DTD2: variants seen among roughly 807,000 people sequenced by gnomAD.
DTD2 encodes the protein D-aminoacyl-tRNA deacylase 2.
A neutral mutation model predicts 15.5 loss-of-function variants in DTD2; 12 were observed. The ratio of observed to expected loss-of-function variants is 0.77; its 90% CI spans 0.50 to 1.25. The LOEUF is 1.25. DTD2 is among the 50% of genes most tolerant of loss of function. The pLI, the probability that DTD2 is intolerant of heterozygous loss-of-function variation, is 0.00. For missense variants in DTD2, 170 were observed against 201.1 expected, an observed-to-expected ratio of 0.85 and a Z score of 0.93; for synonymous variants, 59 against 77.3, an observed-to-expected ratio of 0.76 and a Z score of 1.24.
rs1259760023 is a variant in DTD2, at chr14:31,447,500, A to T, written c.*629T>A. ...TTTGCATGAATTTCTTCATTGCAAAATACTTAAAATGTACATAATTTTTAA... is the reference window on the plus strand; with the variant it reads ...TTTGCATGAATTTCTTCATTGCAAATTACTTAAAATGTACATAATTTTTAA... On this transcript the variant is annotated 3_prime_UTR_variant, in exon 3 of 3. Coordinates refer to ENST00000310850, the MANE Select transcript of DTD2 (RefSeq NM_080664.3). 1 of 152,088 alleles carries T rather than the reference A, an allele frequency of 6.6e-6. No homozygotes were observed. Among genetic ancestry groups the T allele is most frequent in the Non-Finnish European group, 1.5e-5 (1 of 68,026 alleles). 9.4% of individuals were successfully genotyped at this position (152,088 alleles called of 1,614,324 possible).
intron 1 of DTD2, among the ~76,000 whole-genome samples, chr14:31,456,189 T>C (rs925556310): frequency 1.7e-4 from 26 of 152,012 alleles, no homozygotes; most frequent in Non-Finnish European, 3.7e-4. Context: ...GGTCAGGAGT[T>C]CCAGACAAGC....
chr14:31,446,133 T>C lies in DTD2; in HGVS notation c.*1996A>G, dbSNP rs372922681. On this transcript the variant is annotated 3_prime_UTR_variant, in exon 3 of 3. Coordinates refer to ENST00000310850, the MANE Select transcript of DTD2 (RefSeq NM_080664.3). ...AATGAGCTCATTACCAAGCCAGTTA[T>C]TGATTCTCTGGTTCCAAAATAGAAC... 3 of 152,190 alleles carry C rather than the reference T, an allele frequency of 2.0e-5. No individual in the cohort carries two copies. The highest frequency in any genetic ancestry group is 4.4e-5 in the Non-Finnish European group (3 of 68,022). 9.4% of individuals were successfully genotyped at this position (152,190 alleles called of 1,614,324 possible).
intron 2 of DTD2, 67 bp downstream of exon 2, chr14:31,453,208 G>A (rs1315507674): frequency 2.7e-6 from 4 of 1,505,534 alleles, no homozygotes; most frequent in African/African-American, 1.4e-5. Context: ...CAACGTGTTG[G>A]GATTACAGGT....
intron 2 of DTD2, 81 bp from the exon 3 acceptor site, chr14:31,448,535 T>C: frequency 7.7e-7 from 1 of 1,303,116 alleles, no homozygotes; most frequent in South Asian, 1.5e-5. Flanking sequence ...TCAGCAAATC[T>C]CATGTTTAAA....
At chr14:31,457,097 G>A in intron 1 of DTD2, 186 bp downstream of exon 1, 1 of 589,016 alleles carries the variant, frequency 1.7e-6, no homozygotes, top group Non-Finnish European at 3.0e-6. Flanking sequence ...GGGGAACGGT[G>A]ATGCTGGACC....
chr14:31,454,769 G>C (rs987130556), intron 1 of DTD2, among the ~76,000 whole-genome samples: 2 of 152,016 alleles, frequency 1.3e-5, no homozygotes, highest in South Asian at 4.1e-4. Context: ...TAACTTCTTT[G>C]GTATAAAACA....
chr14:31,448,783 A>G (rs749516958), intron 2 of DTD2, among the ~76,000 whole-genome samples: 25 of 152,266 alleles, frequency 1.6e-4, no homozygotes, highest in Non-Finnish European at 3.4e-4. Context: ...GGAATACATG[A>G]GAAGATTTTA....
chr14:31,453,395 T>G (rs1302690656), intron 1 of DTD2, 51 bp from the exon 2 acceptor site: 1 of 1,522,928 alleles, frequency 6.6e-7, no homozygotes, highest in Non-Finnish European at 9.1e-7. Context: ...TCTGTAAAGA[T>G]ACAGGGCTAA....
rs968388144 is a variant in DTD2 at position 31,446,089 on chromosome 14, T to A, written c.*2040A>T. 1 of 152,226 alleles carries A rather than the reference T, an allele frequency of 6.6e-6. No individual in the cohort carries two copies. The highest frequency in any genetic ancestry group is 1.5e-5 in the Non-Finnish European group (1 of 68,038). The allele number at this position is 152,226 out of a possible 1,614,324, so 9.4% of individuals were successfully genotyped here. ...TTTCAGTAAGTGTATTGTGAATCAATAAAGCAAAAGTTAAGGACAATGAGC... is the reference window on the plus strand; with the variant it reads ...TTTCAGTAAGTGTATTGTGAATCAAAAAAGCAAAAGTTAAGGACAATGAGC... On this transcript the variant is annotated 3_prime_UTR_variant, in exon 3 of 3. Transcript: ENST00000310850.
At chr14:31,454,420 G>A (rs898007014) in intron 1 of DTD2, among the ~76,000 whole-genome samples, 4 of 152,116 alleles carry the variant, frequency 2.6e-5, no homozygotes, top group East Asian at 1.9e-4. Flanking sequence ...GCACTCACAC[G>A]TGATTTACCT....
chr14:31,447,870 A>G lies in DTD2; in HGVS notation c.*259T>C, dbSNP rs1346059170. 3 of 388,410 alleles carry G rather than the reference A, an allele frequency of 7.7e-6. No individual in the cohort carries two copies. In the Admixed American group the frequency reaches 1.3e-4, roughly 17 times the overall value. The allele number at this position is 388,410 out of a possible 1,614,324, so 24.1% of individuals were successfully genotyped here. On this transcript the variant is annotated 3_prime_UTR_variant, in exon 3 of 3. Transcript: ENST00000310850. ...AATTAAGAACATTTCCTTAATGACT[A>G]TGAAGTGAATAGACAGCATATTTCA... is the stretch of plus-strand genomic sequence containing the variant.
chr14:31,447,904 A>G lies in DTD2; in HGVS notation c.*225T>C, dbSNP rs553575727. 1 of 480,398 alleles carries G rather than the reference A, an allele frequency of 2.1e-6. No homozygotes were observed. The highest frequency in any genetic ancestry group is 2.0e-5 in the African/African-American group (1 of 50,218). 29.8% of individuals were successfully genotyped at this position (480,398 alleles called of 1,614,324 possible). ...ATAGACAGCATATTTCAAATTTTCA[A>G]GTAGAAGGGTAGAGGAATGTAGGAC... On this transcript the variant is annotated 3_prime_UTR_variant, in exon 3 of 3. Transcript: ENST00000310850.
At position 31,446,171 on chromosome 14, in the gene DTD2, G is replaced by T. The variant is rs551437227; in HGVS notation, c.*1958C>A. 3.9e-5 allele frequency: 6 copies of T among 152,248 alleles called. No individual in the cohort carries two copies. The highest frequency in any genetic ancestry group is 3.9e-4 in the East Asian group (2 of 5,190). 9.4% of individuals were successfully genotyped at this position (152,248 alleles called of 1,614,324 possible). Reference sequence around the variant, plus strand: ...TCCAAAATAGAACAGTACAGGAAGGGTATAGAGAAAATAGGATTTTTCATG... The same window carrying T: ...TCCAAAATAGAACAGTACAGGAAGGTTATAGAGAAAATAGGATTTTTCATG... On this transcript the variant is annotated 3_prime_UTR_variant, in exon 3 of 3. Coordinates refer to ENST00000310850, the MANE Select transcript of DTD2 (RefSeq NM_080664.3).
chr14:31,448,407 G>A lies in DTD2; in HGVS notation c.229C>T (p.His77Tyr). 6.2e-7 allele frequency: 1 copy of A among 1,613,774 alleles called. No individual in the cohort carries two copies. The highest frequency in any genetic ancestry group is 8.5e-7 in the Non-Finnish European group (1 of 1,179,910). Reference protein sequence around the residue: ...VKLSETENGKHVSILDLPGNI... With the variant: ...VKLSETENGKYVSILDLPGNI... ...CCAGGTAGATCCAATATAGAGACAT[G>A]CTTGCCATTTTCTGTCTCACTTAAT... Residue 77 changes from histidine to tyrosine, a missense_variant, in exon 3 of 3, where the codon CAT (histidine) becomes TAT (tyrosine). His to Tyr is a moderately conservative substitution (Grantham distance 83). Coordinates refer to ENST00000310850, the MANE Select transcript of DTD2 (RefSeq NM_080664.3).
intron 2 of DTD2, among the ~76,000 whole-genome samples, chr14:31,451,771 T>G (rs896688210): frequency 1.3e-5 from 2 of 152,216 alleles, no homozygotes; most frequent in African/African-American, 4.8e-5. Flanking sequence ...ATATTTCTTA[T>G]TAATCCAACT....
At chr14:31,456,453 ATTGTT>A (rs982137903) in intron 1 of DTD2, among the ~76,000 whole-genome samples, 9 of 151,970 alleles carry the variant, frequency 5.9e-5, no homozygotes, top group Non-Finnish European at 1.2e-4. Context: ...AATAACTAAA[ATTGTT>A]TTAAGTAATG....
chr14:31,455,266 A>G (rs1300197552), intron 1 of DTD2, among the ~76,000 whole-genome samples: 2 of 152,100 alleles, frequency 1.3e-5, no homozygotes, highest in Non-Finnish European at 2.9e-5. Context: ...AAAATGGATA[A>G]TTCGGCCGGG....
At position 31,448,339 on chromosome 14, in the gene DTD2, T is replaced by C. The variant is rs2031987894; in HGVS notation, c.297A>G (p.Leu99=). The change falls in exon 3 of 3, where the codon CTA becomes CTG. Residue 99 remains leucine (L), a synonymous_variant. Transcript: ENST00000310850. ...AGTGATATTGCATGTTTCTTCCTTT[T>C]AGTCTTCCTCCAAGGGTAGCTTGAG... ...IIPQATLGGR[L]KGRNMQYHSN... 6.2e-7 allele frequency: 1 copy of C among 1,614,122 alleles called. No individual in the cohort carries two copies. Among genetic ancestry groups the C allele is most frequent in the Non-Finnish European group, 8.5e-7 (1 of 1,180,056 alleles).
chr14:31,449,750 C>G (rs188689230), intron 2 of DTD2, among the ~76,000 whole-genome samples: 14 of 152,188 alleles, frequency 9.2e-5, no homozygotes, highest in African/African-American at 3.1e-4. Context: ...GAAGGAACTA[C>G]ATAAACTTCA....
Sources: allele counts gnomAD v4.1 joint callset (sites outside exome capture counted in the v4.1 genomes callset), GRCh38; gene constraint gnomAD v4.1.1; transcripts MANE v1.5; gene names NCBI Gene and HGNC (gene_info 2026-07-23, HGNC 2026-07-21).